Variants in THSD4 observed in about 807,000 individuals in gnomAD.
THSD4 encodes the protein thrombospondin type-1 domain-containing protein 4.
THSD4 carries 69 observed loss-of-function variants against 119.0 expected under a neutral mutation model. The observed-to-expected ratio is 0.58, with a 90% CI of 0.48 to 0.71. The LOEUF (loss-of-function observed/expected upper bound fraction) is 0.71, where lower values mean the gene tolerates loss of function less well. Among genes scored for constraint, THSD4 ranks in the 30% least tolerant of loss-of-function variants. The pLI, the probability that THSD4 is intolerant of heterozygous loss-of-function variation, is 0.00. For synonymous variants in THSD4, 524 were observed against 540.4 expected, an observed-to-expected ratio of 0.97 and a Z score of 0.42; for missense variants, 1,393 against 1,391.1, an observed-to-expected ratio of 1.00 and a Z score of -0.02.
In THSD4 at chr15:71,458,378, A is replaced by G. The variant is rs185243390; in HGVS notation, c.1152+46555A>G. ...TTAGTTTGTATTTTATTATATTTAT[A>G]ACAATATTATCAAAGGCAACATACT... On this transcript the variant is annotated intron_variant, in intron 7 of 17. Transcript: ENST00000261862. 9.8e-5 allele frequency among the ~76,000 whole-genome samples: 15 copies of G among 152,352 alleles called. No individual in the cohort carries two copies. The East Asian group carries it at 2.9e-3, about 29-fold the overall frequency.
At chr15:71,439,765 A>G (rs1214700028) in intron 7 of THSD4, among the ~76,000 whole-genome samples, 1 of 152,220 alleles carries the variant, frequency 6.6e-6, no homozygotes, top group Non-Finnish European at 1.5e-5. Context: ...ACACAGGAAC[A>G]GAAAACCAGA....
intron 7 of THSD4, among the ~76,000 whole-genome samples, chr15:71,538,084 G>A (rs1167610690): frequency 6.6e-6 from 1 of 151,938 alleles, no homozygotes; most frequent in Non-Finnish European, 1.5e-5. Flanking sequence ...TTCTGTTTAT[G>A]ATATTTTCAA....
chr15:71,373,967 C>T (rs1254947612), intron 6 of THSD4, among the ~76,000 whole-genome samples: 1 of 152,180 alleles, frequency 6.6e-6, no homozygotes, highest in Non-Finnish European at 1.5e-5. Context: ...ACTAGGACAA[C>T]CCTTCCCTCA....
At chr15:71,116,691 G>C (rs1273939452) in intron 1 of THSD4, among the ~76,000 whole-genome samples, 1 of 152,098 alleles carries the variant, frequency 6.6e-6, no homozygotes. Context: ...ATACCCGAGA[G>C]AGATCTAAGG....
intron 8 of THSD4, among the ~76,000 whole-genome samples, chr15:71,706,901 T>G (rs1489724116): frequency 6.6e-6 from 1 of 152,056 alleles, no homozygotes; most frequent in Non-Finnish European, 1.5e-5. Context: ...TCTTTTCCTT[T>G]TTAAGGCTAG....
intron 14 of THSD4, among the ~76,000 whole-genome samples, chr15:71,756,386 C>T (rs2053538717): frequency 6.6e-6 from 1 of 152,036 alleles, no homozygotes; most frequent in African/African-American, 2.4e-5. Context: ...AACTTGAAAG[C>T]AAATCAGAAA....
At chr15:71,576,491 C>T (rs2049450576) in intron 7 of THSD4, among the ~76,000 whole-genome samples, 1 of 152,218 alleles carries the variant, frequency 6.6e-6, no homozygotes, top group South Asian at 2.1e-4. Context: ...CAGAAAGCTA[C>T]ATTCTGCTAC....
chr15:71,718,647 T>C lies in THSD4; in HGVS notation c.1358-9902T>C, dbSNP rs73430269. Among the ~76,000 whole-genome samples, 1,346 of 152,268 alleles carry C rather than the reference T, an allele frequency of 8.8e-3. 25 individuals are homozygous for C. Among genetic ancestry groups the C allele is most frequent in the African/African-American group, 0.029 (1,220 of 41,564 alleles). On this transcript the variant is annotated intron_variant, in intron 8 of 17. Transcript: ENST00000261862. ...CTGATGTCTTCCATCCAAACTCATC[T>C]CCAGGGGCTCCCATCTATGCACGCT... is the stretch of plus-strand genomic sequence containing the variant.
At chr15:71,663,349 G>A (rs983929405) in intron 8 of THSD4, among the ~76,000 whole-genome samples, 2 of 152,118 alleles carry the variant, frequency 1.3e-5, no homozygotes, top group Non-Finnish European at 2.9e-5. Flanking sequence ...ACATGAAATC[G>A]GTAGCGTCCA....
chr15:71,494,050 C>G (rs565400991), intron 7 of THSD4, among the ~76,000 whole-genome samples: 1 of 152,204 alleles, frequency 6.6e-6, no homozygotes, highest in South Asian at 2.1e-4. Flanking sequence ...GATGGGACAC[C>G]CAGGTATAAT....
chr15:71,775,913 T>A, intron 17 of THSD4, among the ~76,000 whole-genome samples: 1 of 152,226 alleles, frequency 6.6e-6, no homozygotes, highest in Non-Finnish European at 1.5e-5. Context: ...ATAAAGGATG[T>A]GTGATATATG....
chr15:71,594,327 G>A (rs2049867104), intron 7 of THSD4, among the ~76,000 whole-genome samples: 1 of 151,812 alleles, frequency 6.6e-6, no homozygotes, highest in African/African-American at 2.4e-5. Context: ...TCCTGCCTCA[G>A]CTTCCCCAGT....
At chr15:71,626,692 A>G (rs371349028) in intron 7 of THSD4, among the ~76,000 whole-genome samples, 11 of 152,320 alleles carry the variant, frequency 7.2e-5, no homozygotes, top group Admixed American at 1.3e-4. Context: ...TCTGTGATAA[A>G]AATCATCTGA....
At chr15:71,402,943 T>C (rs1394709816) in intron 6 of THSD4, among the ~76,000 whole-genome samples, 1 of 152,264 alleles carries the variant, frequency 6.6e-6, no homozygotes, top group African/African-American at 2.4e-5. Flanking sequence ...CTAATTCAAC[T>C]CAAGCTCTTC....
chr15:71,652,541 G>C (rs2051113170), intron 7 of THSD4, among the ~76,000 whole-genome samples: 2 of 152,158 alleles, frequency 1.3e-5, no homozygotes, highest in Non-Finnish European at 2.9e-5. Context: ...TTTAGAGTTT[G>C]GGATATCCCC....
intron 7 of THSD4, among the ~76,000 whole-genome samples, chr15:71,575,538 G>A (rs764383174): frequency 6.6e-6 from 1 of 152,072 alleles, no homozygotes; most frequent in African/African-American, 2.4e-5. Flanking sequence ...ACTGGAAATC[G>A]GGACATTTTG....
intron 7 of THSD4, among the ~76,000 whole-genome samples, chr15:71,447,302 G>A (rs1019092905): frequency 1.3e-4 from 19 of 151,798 alleles, no homozygotes; most frequent in Admixed American, 4.6e-4. Context: ...TGTATTTTTA[G>A]TAGAGACAGG....
intron 8 of THSD4, among the ~76,000 whole-genome samples, chr15:71,671,650 T>G (rs2051531251): frequency 6.6e-6 from 1 of 152,226 alleles, no homozygotes; most frequent in Non-Finnish European, 1.5e-5. Context: ...CATCTTGAAT[T>G]AATTTTTGTA....
intron 8 of THSD4, among the ~76,000 whole-genome samples, chr15:71,717,051 T>TTGC (rs1338562426): frequency 6.6e-6 from 1 of 152,220 alleles, no homozygotes; most frequent in Non-Finnish European, 1.5e-5. Flanking sequence ...GGGGCACATG[T>TTGC]TGCTGCCTTT....
Sources: allele counts gnomAD v4.1 joint callset (sites outside exome capture counted in the v4.1 genomes callset), GRCh38; gene constraint gnomAD v4.1.1; transcripts MANE v1.5; gene names NCBI Gene and HGNC (gene_info 2026-07-23, HGNC 2026-07-21).